FHIT: variants seen among roughly 807,000 people sequenced by gnomAD.
FHIT encodes the protein bis(5'-adenosyl)-triphosphatase.
A neutral mutation model predicts 17.9 loss-of-function variants in FHIT; 19 were observed. The observed-to-expected ratio is 1.06, with a 90% CI of 0.74 to 1.56. The LOEUF (loss-of-function observed/expected upper bound fraction) is 1.56, where lower values mean the gene tolerates loss of function less well. FHIT is among the 40% of genes most tolerant of loss of function. The probability of loss-of-function intolerance (pLI) is 0.00; values close to 1 mark genes in which losing one functional copy is unlikely to be tolerated. For synonymous variants in FHIT, 81 were observed against 69.7 expected (o/e 1.16, Z -0.81); for missense variants, 248 against 189.2 (o/e 1.31, Z -1.82).
At chr3:60,218,917 C>G (rs1267441326) in intron 5 of FHIT, among the ~76,000 whole-genome samples, 1 of 151,962 alleles carries the variant, frequency 6.6e-6, no homozygotes, top group East Asian at 1.9e-4. Flanking sequence ...CTTTCTTATC[C>G]TGCTTCTAAA....
chr3:60,549,000 T>TA (rs1168024628), intron 4 of FHIT, among the ~76,000 whole-genome samples: 1 of 152,158 alleles, frequency 6.6e-6, no homozygotes, highest in Non-Finnish European at 1.5e-5. Context: ...GAGAAATGAG[T>TA]ATGACAACAG....
intron 5 of FHIT, among the ~76,000 whole-genome samples, chr3:60,134,091 G>A (rs182014145): frequency 9.9e-5 from 15 of 151,966 alleles, no homozygotes; most frequent in South Asian, 2.1e-4. Flanking sequence ...AGCATGACCC[G>A]TCCAGGAGAA....
At position 60,660,211 on chromosome 3, in the gene FHIT, G is replaced by A. The variant is rs191191293; in HGVS notation, c.-17-123232C>T. ...AGTCACTTCAGCTGGAGAAAGAAGG[G>A]CTTGCAACAATGGAAGGAAATGCAA... On this transcript the variant is annotated intron_variant, in intron 4 of 9. Transcript: ENST00000492590. 1.7e-3 allele frequency among the ~76,000 whole-genome samples: 257 copies of A among 152,248 alleles called. 1 individual carries two copies. The highest frequency in any genetic ancestry group is 5.9e-3 in the African/African-American group (245 of 41,560).
chr3:60,535,919 G>A (rs958699692), intron 5 of FHIT: 9 of 151,594 alleles, frequency 5.9e-5, no homozygotes, highest in Admixed American at 5.9e-4. Flanking sequence ...AGCTTACTCT[G>A]AAAAACCTCT....
chr3:60,492,042 G>A (rs886961177), intron 5 of FHIT, among the ~76,000 whole-genome samples: 5 of 152,102 alleles, frequency 3.3e-5, no homozygotes, highest in Non-Finnish European at 7.4e-5. Flanking sequence ...CTATCCTGGT[G>A]GAATGTTGAC....
chr3:60,074,839 A>C (rs994375680), intron 5 of FHIT, among the ~76,000 whole-genome samples: 3 of 151,966 alleles, frequency 2.0e-5, no homozygotes, highest in Non-Finnish European at 4.4e-5. Flanking sequence ...ACCCTGGGAA[A>C]CTTTACTGTT....
intron 8 of FHIT, among the ~76,000 whole-genome samples, chr3:59,786,541 C>T (rs528504213): frequency 3.3e-5 from 5 of 152,308 alleles, no homozygotes; most frequent in South Asian, 4.1e-4. Context: ...TAAAATACTA[C>T]GGTAATGTGG....
chr3:60,981,189 A>G (rs1465589343), intron 3 of FHIT, among the ~76,000 whole-genome samples: 1 of 152,158 alleles, frequency 6.6e-6, no homozygotes, highest in Non-Finnish European at 1.5e-5. Flanking sequence ...CTTCTGCCCA[A>G]CACTGTCACC....
intron 4 of FHIT, chr3:60,732,318 G>T: frequency 1.1e-6 from 1 of 941,592 alleles, no homozygotes; most frequent in Non-Finnish European, 1.7e-6. Context: ...GGAACCATTT[G>T]TGTTGGGTCC....
At chr3:61,205,042 A>G (rs2039172060) in intron 1 of FHIT, among the ~76,000 whole-genome samples, 1 of 144,580 alleles carries the variant, frequency 6.9e-6, no homozygotes, top group Admixed American at 7.3e-5. Flanking sequence ...TCATTGTTCA[A>G]TTCCCACCTA....
At chr3:60,350,899 A>T (rs913460192) in intron 5 of FHIT, among the ~76,000 whole-genome samples, 1 of 152,128 alleles carries the variant, frequency 6.6e-6, no homozygotes, top group Non-Finnish European at 1.5e-5. Context: ...TAGCAAACTC[A>T]CTCGAGAGTC....
chr3:60,145,644 A>G (rs1178733492), intron 5 of FHIT, among the ~76,000 whole-genome samples: 1 of 152,196 alleles, frequency 6.6e-6, no homozygotes, highest in East Asian at 1.9e-4. Context: ...AACAAAATAG[A>G]TGGTCCTAGC....
intron 4 of FHIT, among the ~76,000 whole-genome samples, chr3:60,743,454 C>A (rs1553714427): frequency 6.6e-6 from 1 of 152,180 alleles, no homozygotes; most frequent in Non-Finnish European, 1.5e-5. Context: ...ATCTGCACCT[C>A]CAGGAAGCTT....
At chr3:60,874,506 G>C (rs528375659) in intron 3 of FHIT, among the ~76,000 whole-genome samples, 3 of 152,292 alleles carry the variant, frequency 2.0e-5, no homozygotes, top group South Asian at 2.1e-4. Context: ...AAGAGGTTAA[G>C]AATCATTGCC....
chr3:61,213,802 T>C (rs965612830), intron 1 of FHIT, among the ~76,000 whole-genome samples: 1 of 151,938 alleles, frequency 6.6e-6, no homozygotes, highest in African/African-American at 2.4e-5. Context: ...TTATAACAAA[T>C]TGTCTCTCAG....
chr3:60,116,312 G>A (rs138230425), intron 5 of FHIT, among the ~76,000 whole-genome samples: 68 of 152,290 alleles, frequency 4.5e-4, no homozygotes, highest in African/African-American at 1.6e-3. Context: ...AAAAGGTGGT[G>A]TGTAACTTTT....
chr3:59,968,569 T>C (rs898822963), intron 7 of FHIT, among the ~76,000 whole-genome samples: 1 of 152,114 alleles, frequency 6.6e-6, no homozygotes, highest in Non-Finnish European at 1.5e-5. Flanking sequence ...ATACCAGCAG[T>C]TCTCACAATG....
At chr3:60,126,955 C>T (rs1275513464) in intron 5 of FHIT, among the ~76,000 whole-genome samples, 1 of 152,154 alleles carries the variant, frequency 6.6e-6, no homozygotes, top group African/African-American at 2.4e-5. Flanking sequence ...TTGTTCTAAC[C>T]ACCATCTCTG....
chr3:60,331,969 C>T (rs1477630849), intron 5 of FHIT, among the ~76,000 whole-genome samples: 2 of 152,032 alleles, frequency 1.3e-5, no homozygotes, highest in African/African-American at 4.8e-5. Context: ...CCTGAATGCA[C>T]TTGTCCTTCC....
Sources: gnomAD v4.1 joint callset for allele counts (sites outside exome capture counted in the v4.1 genomes callset) on GRCh38, gnomAD v4.1.1 for gene constraint, MANE v1.5 for transcripts, NCBI Gene and HGNC (gene_info 2026-07-23, HGNC 2026-07-21) for gene names.